The following WARS2 variants were observed in gnomAD, a reference collection of about 807,000 sequenced individuals.
WARS2 encodes tryptophan--tRNA ligase, mitochondrial.
WARS2 carries 28 observed loss-of-function variants against 36.5 expected under a neutral mutation model. That is an observed-to-expected ratio of 0.77 (90% CI 0.57 to 1.05). The LOEUF (loss-of-function observed/expected upper bound fraction) is 1.05, where lower values mean the gene tolerates loss of function less well. Among genes scored for constraint, WARS2 ranks in the 50% least tolerant of loss-of-function variants. The pLI is 0.00. For synonymous variants in WARS2, 174 were observed against 178.4 expected (o/e 0.98, Z 0.20); for missense variants, 435 against 456.8 (o/e 0.95, Z 0.44).
intron 2 of WARS2, among the ~76,000 whole-genome samples, chr1:119,072,762 TTATG>T (rs1213943978): frequency 1.3e-5 from 2 of 152,104 alleles, no homozygotes; most frequent in African/African-American, 4.8e-5. Context: ...AGTATTATGG[TTATG>T]TAAGAAAATT....
intron 1 of WARS2, among the ~76,000 whole-genome samples, chr1:119,126,267 GA>G (rs55996448): frequency 0.84 from 115,307 of 137,072 alleles, 47,835 homozygotes; most frequent in East Asian, 0.86. Context: ...GAGCAGTTTT[GA>G]AAAAAAAAAA....
intron 2 of WARS2, among the ~76,000 whole-genome samples, chr1:119,051,599 T>G (rs1649359452): frequency 1.3e-5 from 2 of 152,108 alleles, no homozygotes; most frequent in African/African-American, 4.8e-5. Context: ...TTTTTAGCTC[T>G]TTGAGGAACT....
At chr1:119,044,635 AAGTC>A (rs1255113695) in intron 3 of WARS2, among the ~76,000 whole-genome samples, 1 of 152,166 alleles carries the variant, frequency 6.6e-6, no homozygotes, top group Non-Finnish European at 1.5e-5. Context: ...GATTAAGGCA[AAGTC>A]AGTGTCTGGT....
In WARS2 at chr1:119,040,897, G is replaced by A. The variant is rs142317347; in HGVS notation, c.515+1367C>T. ...TTATACTTTCATTTGTTACTTATTG[G>A]AGAATATTGTTCTAGCCTTTTAAAT... is the stretch of plus-strand genomic sequence containing the variant. On this transcript the variant is annotated intron_variant, in intron 4 of 5. Coordinates refer to ENST00000235521, the MANE Select transcript of WARS2 (RefSeq NM_015836.4). 3.7e-3 allele frequency among the ~76,000 whole-genome samples: 570 copies of A among 152,200 alleles called. 3 individuals carry two copies. Among genetic ancestry groups the A allele is most frequent in the African/African-American group, 0.013 (552 of 41,506 alleles).
chr1:119,049,759 G>A lies in WARS2; in HGVS notation c.349-4097C>T, dbSNP rs114256089. 7.7e-3 allele frequency among the ~76,000 whole-genome samples: 1,174 copies of A among 152,280 alleles called. 16 individuals are homozygous for A. Among genetic ancestry groups the A allele is most frequent in the African/African-American group, 0.027 (1,118 of 41,558 alleles). On this transcript the variant is annotated intron_variant, in intron 2 of 5. Coordinates refer to ENST00000235521, the MANE Select transcript of WARS2 (RefSeq NM_015836.4). Reference sequence around the variant, plus strand: ...CACTCCTCGTACTCTCTCACACTCTGTATCTAATCCATTGGCAAATCTTGT... The same window carrying A: ...CACTCCTCGTACTCTCTCACACTCTATATCTAATCCATTGGCAAATCTTGT...
intron 4 of WARS2, among the ~76,000 whole-genome samples, chr1:119,036,150 G>A (rs61808861): frequency 1.3e-5 from 2 of 152,068 alleles, no homozygotes; most frequent in Non-Finnish European, 1.5e-5. Flanking sequence ...TGGAGGCTGC[G>A]GTGAGCCAAG....
intron 1 of WARS2, among the ~76,000 whole-genome samples, chr1:119,115,661 A>G (rs1031354432): frequency 2.0e-5 from 3 of 152,238 alleles, no homozygotes; most frequent in Non-Finnish European, 2.9e-5. Context: ...CTTTGAACAA[A>G]GAGACAAATA....
chr1:119,099,522 G>A (rs773078264), intron 1 of WARS2, among the ~76,000 whole-genome samples: 14 of 152,106 alleles, frequency 9.2e-5, no homozygotes, highest in Non-Finnish European at 1.8e-4. Context: ...AGATTCCTAA[G>A]AACCAAAAGC....
intron 1 of WARS2, among the ~76,000 whole-genome samples, chr1:119,105,123 GA>G (rs1019192098): frequency 6.6e-6 from 1 of 152,166 alleles, no homozygotes; most frequent in Non-Finnish European, 1.5e-5. Context: ...GAGAGATGTG[GA>G]CAGACTTGAC....
intron 2 of WARS2, among the ~76,000 whole-genome samples, chr1:119,065,718 T>C (rs958131857): frequency 6.6e-6 from 1 of 151,734 alleles, no homozygotes; most frequent in Non-Finnish European, 1.5e-5. Context: ...AAATGATTAA[T>C]AGAGTAGTCT....
intron 2 of WARS2, among the ~76,000 whole-genome samples, chr1:119,046,170 T>G (rs143812438): frequency 6.6e-6 from 1 of 152,192 alleles, no homozygotes; most frequent in East Asian, 1.9e-4. Context: ...TCTTTAGATA[T>G]AGGGTAACTT....
intron 2 of WARS2, among the ~76,000 whole-genome samples, chr1:119,055,331 G>C (rs934509401): frequency 6.6e-6 from 1 of 152,164 alleles, no homozygotes; most frequent in Non-Finnish European, 1.5e-5. Flanking sequence ...TCTGAGAAGT[G>C]GTCAGGCATG....
intron 1 of WARS2, among the ~76,000 whole-genome samples, chr1:119,122,616 A>C (rs1655398689): frequency 6.6e-6 from 1 of 152,214 alleles, no homozygotes; most frequent in South Asian, 2.1e-4. Context: ...AGCACAATTC[A>C]CAATTGCAAA....
intron 1 of WARS2, among the ~76,000 whole-genome samples, chr1:119,130,326 C>G (rs2101567131): frequency 6.6e-6 from 1 of 152,284 alleles, no homozygotes; most frequent in Non-Finnish European, 1.5e-5. Flanking sequence ...ATCTTTTCAT[C>G]TCAATCTTGA....
chr1:119,087,869 G>A (rs587703811), intron 1 of WARS2, among the ~76,000 whole-genome samples: 1 of 152,336 alleles, frequency 6.6e-6, no homozygotes, highest in East Asian at 1.9e-4. Flanking sequence ...AAGAAGGTGA[G>A]AGGAAGGGAT....
At chr1:119,127,207 CCTT>C in intron 1 of WARS2, 3 of 728,966 alleles carry the variant, frequency 4.1e-6, no homozygotes, top group East Asian at 2.6e-5. Context: ...TCATACCAAT[CCTT>C]CTTCGAAAAT....
At chr1:119,104,075 G>A (rs1431335222) in intron 1 of WARS2, among the ~76,000 whole-genome samples, 5 of 151,338 alleles carry the variant, frequency 3.3e-5, no homozygotes, top group South Asian at 2.1e-4. Flanking sequence ...CACCTCATCC[G>A]CCCAAAGTGT....
At chr1:119,052,594 C>T (rs1451613004) in intron 2 of WARS2, among the ~76,000 whole-genome samples, 2 of 152,132 alleles carry the variant, frequency 1.3e-5, no homozygotes, top group East Asian at 3.9e-4. Context: ...CTAATACTTC[C>T]AAAGTTAAAT....
chr1:119,085,974 G>A, intron 1 of WARS2: 1 of 1,608,764 alleles, frequency 6.2e-7, no homozygotes, highest in South Asian at 1.1e-5. Flanking sequence ...CCCAAACTCA[G>A]CGTTCAGGTA....
Sources: gnomAD v4.1 joint callset for allele counts (sites outside exome capture counted in the v4.1 genomes callset) on GRCh38, gnomAD v4.1.1 for gene constraint, MANE v1.5 for transcripts, NCBI Gene and HGNC (gene_info 2026-07-23, HGNC 2026-07-21) for gene names.